Variants in FAF1 observed in about 807,000 individuals in gnomAD.
FAF1 encodes Fas associated factor 1, also known as FAS-associated factor 1.
A neutral mutation model predicts 92.5 loss-of-function variants in FAF1; 25 were observed. That is an observed-to-expected ratio of 0.27 (90% CI 0.20 to 0.38). The LOEUF is 0.38. Ranked by LOEUF, FAF1 falls within the 10% of genes least tolerant of loss-of-function variation. The probability of loss-of-function intolerance (pLI) is 1.00; values close to 1 mark genes in which losing one functional copy is unlikely to be tolerated. For missense variants in FAF1, 636 were observed against 793.3 expected (o/e 0.80, Z 2.38); for synonymous variants, 234 against 273.2 (o/e 0.86, Z 1.42).
chr1:50,712,826 T>G (rs1657994039), intron 6 of FAF1, among the ~76,000 whole-genome samples: 1 of 152,000 alleles, frequency 6.6e-6, no homozygotes, highest in Admixed American at 6.6e-5. Context: ...TTATGTTGGT[T>G]ATGATAGTTA....
chr1:50,605,779 T>C (rs1330018811), intron 8 of FAF1, among the ~76,000 whole-genome samples: 1 of 152,254 alleles, frequency 6.6e-6, no homozygotes, highest in Non-Finnish European at 1.5e-5. Context: ...TGCAGATTTC[T>C]CTTGACTCTG....
chr1:50,507,276 A>G (rs1647070992), intron 15 of FAF1, among the ~76,000 whole-genome samples: 1 of 152,244 alleles, frequency 6.6e-6, no homozygotes, highest in African/African-American at 2.4e-5. Flanking sequence ...GAATAAAAGT[A>G]AAGTAACTCA....
chr1:50,779,546 T>C (rs1661085058), intron 4 of FAF1, among the ~76,000 whole-genome samples: 1 of 151,856 alleles, frequency 6.6e-6, no homozygotes, highest in Admixed American at 6.6e-5. Flanking sequence ...TATTGATATC[T>C]AAATATATAT....
chr1:50,888,177 T>A (rs935284486), intron 1 of FAF1, among the ~76,000 whole-genome samples: 5 of 152,206 alleles, frequency 3.3e-5, no homozygotes, highest in African/African-American at 9.6e-5. Context: ...TGGCTCTGTT[T>A]GTCTGTTATT....
chr1:50,489,022 C>A (rs780122185), intron 17 of FAF1, among the ~76,000 whole-genome samples: 7 of 152,142 alleles, frequency 4.6e-5, no homozygotes, highest in Non-Finnish European at 1.0e-4. Flanking sequence ...TCTTTTAAGA[C>A]CTGACTCAAA....
At chr1:50,885,310 TCTCACACACACACA>T (rs1171834527) in intron 1 of FAF1, among the ~76,000 whole-genome samples, 5 of 126,146 alleles carry the variant, frequency 4.0e-5, no homozygotes, top group Non-Finnish European at 6.9e-5. Context: ...TCTCTCTCTC[TCTCACACACACACA>T]CTCTCTCTCT....
intron 4 of FAF1, among the ~76,000 whole-genome samples, chr1:50,787,733 C>A (rs1569948292): frequency 6.6e-6 from 1 of 152,070 alleles, no homozygotes; most frequent in African/African-American, 2.4e-5. Context: ...TTTTTTAAAG[C>A]TCTTAGATGT....
intron 1 of FAF1, among the ~76,000 whole-genome samples, chr1:50,903,901 G>A (rs1316820916): frequency 1.3e-5 from 2 of 152,090 alleles, no homozygotes; most frequent in African/African-American, 2.4e-5. Context: ...TCTCTCTACT[G>A]GAACCTCACA....
intron 15 of FAF1, among the ~76,000 whole-genome samples, chr1:50,518,441 TTC>T (rs1337823523): frequency 6.6e-6 from 1 of 151,342 alleles, no homozygotes; most frequent in Non-Finnish European, 1.5e-5. Flanking sequence ...ACAAGTTTCT[TTC>T]TTTTTTTTTT....
chr1:50,917,911 C>T (rs984012475), intron 1 of FAF1, among the ~76,000 whole-genome samples: 7 of 152,134 alleles, frequency 4.6e-5, no homozygotes, highest in African/African-American at 1.7e-4. Context: ...CAAAACAGTG[C>T]ATGCTGTATG....
chr1:50,799,683 A>G (rs1299615999), intron 3 of FAF1, among the ~76,000 whole-genome samples: 6 of 152,218 alleles, frequency 3.9e-5, no homozygotes, highest in East Asian at 3.8e-4. Flanking sequence ...TATTTAAACT[A>G]TAGTATTTGA....
intron 1 of FAF1, among the ~76,000 whole-genome samples, chr1:50,860,712 A>G (rs569005683): frequency 1.1e-4 from 16 of 152,034 alleles, no homozygotes; most frequent in African/African-American, 3.9e-4. Flanking sequence ...AACTTAAAAC[A>G]GCATTTAACT....
chr1:50,500,434 A>G (rs965111593), intron 15 of FAF1, among the ~76,000 whole-genome samples: 1 of 152,224 alleles, frequency 6.6e-6, no homozygotes, highest in Non-Finnish European at 1.5e-5. Flanking sequence ...TTAAACAAAT[A>G]GCACTAGAAC....
chr1:50,781,781 T>G (rs1339105240), intron 4 of FAF1, among the ~76,000 whole-genome samples: 2 of 152,208 alleles, frequency 1.3e-5, no homozygotes, highest in African/African-American at 4.8e-5. Flanking sequence ...TTAAGATGAC[T>G]GAAATCATAT....
At chr1:50,720,946 C>T (rs1658383875) in intron 6 of FAF1, among the ~76,000 whole-genome samples, 1 of 152,112 alleles carries the variant, frequency 6.6e-6, no homozygotes, top group Non-Finnish European at 1.5e-5. Context: ...GCTCAGGATG[C>T]CATATAAGTT....
chr1:50,508,364 C>T (rs1647086242), intron 15 of FAF1, among the ~76,000 whole-genome samples: 2 of 152,112 alleles, frequency 1.3e-5, no homozygotes, highest in Non-Finnish European at 2.9e-5. Context: ...AATACATAAA[C>T]AAAATGTGGT....
At chr1:50,621,727 T>C (rs1030344085) in intron 8 of FAF1, among the ~76,000 whole-genome samples, 6 of 151,912 alleles carry the variant, frequency 3.9e-5, no homozygotes, top group Non-Finnish European at 5.9e-5. Context: ...AGGTTGGAGG[T>C]TACCTGGGGC....
At chr1:50,855,204 G>T (rs972361130) in intron 2 of FAF1, among the ~76,000 whole-genome samples, 2 of 151,770 alleles carry the variant, frequency 1.3e-5, no homozygotes, top group Admixed American at 6.6e-5. Flanking sequence ...GTGTCTTATT[G>T]ATTTTTTAGC....
chr1:50,836,168 C>CTTTTTTTTT (rs1644200011), intron 2 of FAF1, among the ~76,000 whole-genome samples: 1 of 75,540 alleles, frequency 1.3e-5, no homozygotes, highest in Admixed American at 1.2e-4. Context: ...TTTTTTGTTT[C>CTTTTTTTTT]TGTTTTTTTT....
Sources: allele counts gnomAD v4.1 joint callset (sites outside exome capture counted in the v4.1 genomes callset), GRCh38; gene constraint gnomAD v4.1.1; transcripts MANE v1.5; gene names NCBI Gene and HGNC (gene_info 2026-07-23, HGNC 2026-07-21).